Variants in BCLAF3 observed in about 807,000 individuals in gnomAD.
BCLAF3 encodes transient octamer binding factor 1.
BCLAF3 carries 24 observed loss-of-function variants against 51.2 expected under a neutral mutation model. The observed-to-expected ratio is 0.47, with a 90% CI of 0.34 to 0.66. BCLAF3 has a LOEUF of 0.66. Ranked by LOEUF, BCLAF3 falls within the 30% of genes least tolerant of loss-of-function variation. The pLI is 0.01. For missense variants in BCLAF3, 465 were observed against 525.1 expected (o/e 0.89, Z 1.12); for synonymous variants, 152 against 176.6 (o/e 0.86, Z 1.10).
chrX:19,919,269 T>G lies in BCLAF3; in HGVS notation c.2107-1935A>C, dbSNP rs759363685. ...TTAGCATGTATCTCCTGACCATTCC[T>G]ACCATATTGATTTTCTCTTCCCTTT... On this transcript the variant is annotated intron_variant, in intron 11 of 11. Coordinates refer to ENST00000379682, the MANE Select transcript of BCLAF3 (RefSeq NM_001367774.2). Among the ~76,000 whole-genome samples the G allele has an allele frequency of 4.4e-5, 5 of 112,408 alleles. No homozygotes were observed. In the East Asian group the frequency reaches 1.1e-3, roughly 25 times the overall value.
intron 1 of BCLAF3, among the ~76,000 whole-genome samples, chrX:19,987,064 C>T (rs1309638554): frequency 9.1e-6 from 1 of 110,271 alleles, no homozygotes; most frequent in East Asian, 2.8e-4. Context: ...GTTCAGCCTC[C>T]CAAAGTGCTG....
At chrX:19,937,874 T>C (rs1045555985) in intron 8 of BCLAF3, among the ~76,000 whole-genome samples, 2 of 112,057 alleles carry the variant, frequency 1.8e-5, no homozygotes, top group African/African-American at 6.5e-5. Context: ...ATTACTGCTC[T>C]AGAACCTTTG....
chrX:19,934,725 T>C lies in BCLAF3; in HGVS notation c.1950+1084A>G, dbSNP rs2070693956. On this transcript the variant is annotated intron_variant, in intron 10 of 11. Coordinates refer to ENST00000379682, the MANE Select transcript of BCLAF3 (RefSeq NM_001367774.2). The stretch of plus-strand genomic sequence containing the variant: ...CTTCCTCCTAATGAGCTAACTACTC[T>C]AACAAGCCTGCCTGCCACTTTTACA... Among the ~76,000 whole-genome samples the C allele has an allele frequency of 4.5e-5, 5 of 112,298 alleles. No homozygotes were observed. In the South Asian group the frequency reaches 1.5e-3, roughly 33 times the overall value.
rs1170233792 is a variant in BCLAF3 at position 19,937,472 on chromosome X, T to G, written c.1806A>C (p.Lys602Asn). 2.5e-6 allele frequency: 3 copies of G among 1,179,510 alleles called. No individual in the cohort carries two copies. The highest frequency in any genetic ancestry group is 1.1e-6 in the Non-Finnish European group (1 of 870,940). Reference protein sequence around the residue: ...VKNVHTDGFQKPTHFIKSNFR... With the variant: ...VKNVHTDGFQNPTHFIKSNFR... ...AATTTGATTTTATAAAATGTGTGGG[T>G]TTTTGGAATCCATCAGTATGAACAT... Residue 602 changes from lysine (K) to asparagine (N), a missense_variant, in exon 9 of 12, where the codon AAA (lysine) becomes AAC (asparagine). Coordinates refer to ENST00000379682, the MANE Select transcript of BCLAF3 (RefSeq NM_001367774.2).
intron 1 of BCLAF3, among the ~76,000 whole-genome samples, chrX:19,986,857 G>A (rs1431000393): frequency 9.5e-6 from 1 of 105,068 alleles, no homozygotes; most frequent in Non-Finnish European, 1.9e-5. Flanking sequence ...AGGCTGGTGT[G>A]CGGTAGTGCA....
chrX:19,960,373 A>G (rs1249234015), intron 4 of BCLAF3, among the ~76,000 whole-genome samples: 2 of 110,678 alleles, frequency 1.8e-5, no homozygotes, highest in Admixed American at 9.7e-5. Flanking sequence ...TGACCTGCCC[A>G]ATGTCACAAA....
chrX:19,920,913 T>G (rs765993736), intron 11 of BCLAF3, among the ~76,000 whole-genome samples: 2 of 110,778 alleles, frequency 1.8e-5, no homozygotes, highest in East Asian at 5.6e-4. Context: ...AATTAGAGAC[T>G]AAATGAAACA....
At chrX:19,977,490 A>C (rs2072465644) in intron 1 of BCLAF3, among the ~76,000 whole-genome samples, 1 of 112,456 alleles carries the variant, frequency 8.9e-6, no homozygotes, top group African/African-American at 3.2e-5. Flanking sequence ...GCCAAAGCCC[A>C]ATCCAGAGCA....
At position 19,929,850 on chromosome X, in the gene BCLAF3, G is replaced by A. The variant is rs770969944; in HGVS notation, c.2041C>T (p.Arg681Trp). Residue 681 changes from arginine (R) to tryptophan (W), a missense_variant, in exon 11 of 12, where the codon CGG becomes TGG. Transcript: ENST00000379682. Reference sequence around the variant, plus strand: ...ATAAATCCCCTTGGGCCAGTGAACCGTAAACGCTGATACTTAGCCTGAATG... The same window carrying A: ...ATAAATCCCCTTGGGCCAGTGAACCATAAACGCTGATACTTAGCCTGAATG... ...LYIQAKYQRL[R>W]FTGPRGFITH... is the part of the protein sequence containing the mutation. 3 of 1,208,206 alleles carry A rather than the reference G, an allele frequency of 2.5e-6. No individual in the cohort carries two copies. The highest frequency in any genetic ancestry group is 3.4e-6 in the Non-Finnish European group (3 of 894,135).
intron 2 of BCLAF3, among the ~76,000 whole-genome samples, chrX:19,967,639 C>T (rs1208045481): frequency 9.0e-6 from 1 of 111,603 alleles, no homozygotes; most frequent in Non-Finnish European, 1.9e-5. Flanking sequence ...GACCTTTCCA[C>T]CATCTGAGCT....
intron 11 of BCLAF3, among the ~76,000 whole-genome samples, chrX:19,918,372 A>C (rs2069998216): frequency 9.0e-6 from 1 of 110,523 alleles, no homozygotes; most frequent in Non-Finnish European, 1.9e-5. Context: ...CTTTAAAAGG[A>C]AATTCTAACT....
intron 3 of BCLAF3, 104 bp downstream of exon 3, chrX:19,965,976 T>G: frequency 1.2e-6 from 1 of 810,988 alleles, no homozygotes; most frequent in Non-Finnish European, 1.8e-6. Context: ...TTTTGTCTTT[T>G]TAGACAAAAG....
chrX:19,986,979 A>AT (rs1460990828), intron 1 of BCLAF3, among the ~76,000 whole-genome samples: 1 of 109,279 alleles, frequency 9.2e-6, no homozygotes, highest in African/African-American at 3.3e-5. Context: ...TTTTTTAAAA[A>AT]TTTTTTTGTA....
intron 11 of BCLAF3, 110 bp from the exon 12 acceptor site, chrX:19,917,444 T>C (rs754911875): frequency 2.0e-5 from 13 of 650,769 alleles, no homozygotes; most frequent in African/African-American, 1.8e-4. Flanking sequence ...ACAGTGTTAC[T>C]TGCACCCCGA....
intron 10 of BCLAF3, among the ~76,000 whole-genome samples, chrX:19,931,836 G>A (rs2070570593): frequency 8.9e-6 from 1 of 112,217 alleles, no homozygotes; most frequent in African/African-American, 3.2e-5. Flanking sequence ...CTGAGCACTG[G>A]AGACATAGCT....
intron 2 of BCLAF3, among the ~76,000 whole-genome samples, chrX:19,966,931 T>C (rs1461038998): frequency 2.7e-5 from 3 of 111,108 alleles, no homozygotes; most frequent in Non-Finnish European, 5.6e-5. Context: ...CCAGCTTAGG[T>C]GCACAGCAGG....
intron 4 of BCLAF3, among the ~76,000 whole-genome samples, chrX:19,960,414 CAT>C (rs1472055370): frequency 9.0e-6 from 1 of 111,062 alleles, no homozygotes; most frequent in Non-Finnish European, 1.9e-5. Context: ...AAGACAAAAA[CAT>C]ATGCACTCTA....
At chrX:19,970,417 T>C in intron 1 of BCLAF3, 119 bp from the exon 2 acceptor site, 1 of 536,171 alleles carries the variant, frequency 1.9e-6, no homozygotes, top group Non-Finnish European at 3.1e-6. Context: ...ATCTCTAACA[T>C]GGAAATGATA....
chrX:19,955,008 A>C (rs2071614685), intron 5 of BCLAF3, among the ~76,000 whole-genome samples: 1 of 112,230 alleles, frequency 8.9e-6, no homozygotes. Context: ...GGGGGCTTTA[A>C]GAATCATAAA....
Sources: allele counts gnomAD v4.1 joint callset (sites outside exome capture counted in the v4.1 genomes callset), GRCh38; gene constraint gnomAD v4.1.1; transcripts MANE v1.5; gene names NCBI Gene and HGNC (gene_info 2026-07-23, HGNC 2026-07-21).